Variants in FGFR2 observed in about 807,000 individuals in gnomAD.
FGFR2 encodes BEK fibroblast growth factor receptor.
Under a neutral mutation model 95.9 loss-of-function variants are expected in FGFR2, and 19 were observed. That is an observed-to-expected ratio of 0.20 (90% CI 0.14 to 0.29). FGFR2 has a LOEUF of 0.29. FGFR2 is among the 10% of genes least tolerant of loss of function. The probability of loss-of-function intolerance (pLI) is 1.00; values close to 1 mark genes in which losing one functional copy is unlikely to be tolerated. For synonymous variants in FGFR2, 392 were observed against 393.3 expected (o/e 1.00, Z 0.04); for missense variants, 707 against 1,056.9 (o/e 0.67, Z 4.59).
At chr10:121,506,811 A>G (rs1564894561) in intron 9 of FGFR2, among the ~76,000 whole-genome samples, 1 of 152,176 alleles carries the variant, frequency 6.6e-6, no homozygotes, top group Non-Finnish European at 1.5e-5. Flanking sequence ...TAGAAAATAC[A>G]TTTTATTTCA....
At chr10:121,558,633 A>G (rs1229729293) in intron 4 of FGFR2, among the ~76,000 whole-genome samples, 2 of 143,010 alleles carry the variant, frequency 1.4e-5, no homozygotes, top group Non-Finnish European at 1.5e-5. Flanking sequence ...TTTGAGACGG[A>G]GTCTCACTCT....
chr10:121,564,937 G>A (rs570616405), intron 3 of FGFR2, among the ~76,000 whole-genome samples: 36 of 152,230 alleles, frequency 2.4e-4, no homozygotes, highest in African/African-American at 8.4e-4. Flanking sequence ...AGTATGCGGG[G>A]TCTCCTTGAA....
chr10:121,524,146 A>ACACAC (rs142755962), intron 6 of FGFR2, among the ~76,000 whole-genome samples: 5 of 136,892 alleles, frequency 3.7e-5, no homozygotes, highest in Admixed American at 7.2e-5. Context: ...ACACACACAC[A>ACACAC]CCCCAAGTTT....
chr10:121,504,898 G>T (rs1228775674), intron 9 of FGFR2, among the ~76,000 whole-genome samples: 2 of 152,160 alleles, frequency 1.3e-5, no homozygotes, highest in African/African-American at 4.8e-5. Flanking sequence ...ATCTTAGTCT[G>T]ACCACAGGCT....
Position 121,531,190 on chromosome 10 carries a change from CAG to C in FGFR2, c.748+7400_748+7401del, listed in dbSNP as rs1852027059. ...GAATGTGACAAAAAAGCTGACATCG[CAG>C]AGTTCTACCATGCCCCATCCAGGCT... On this transcript the variant is annotated intron_variant, in intron 6 of 17. Coordinates refer to ENST00000358487, the MANE Select transcript of FGFR2 (RefSeq NM_000141.5). The surrounding 1 kb of genome is among the most constrained non-coding windows in gnomAD (Gnocchi z 4.5). The C allele has an allele frequency of 6.6e-6, 1 of 152,206 alleles. No individual in the cohort carries two copies. Among genetic ancestry groups the C allele is most frequent in the African/African-American group, 2.4e-5 (1 of 41,444 alleles). The allele number at this position is 152,206 out of a possible 1,614,324, so 9.4% of individuals were successfully genotyped here.
chr10:121,585,165 A>C (rs1030824515), intron 2 of FGFR2, among the ~76,000 whole-genome samples: 1 of 152,218 alleles, frequency 6.6e-6, no homozygotes, highest in Non-Finnish European at 1.5e-5. Context: ...AGAGGGGAAA[A>C]AAAATTTCAA....
chr10:121,588,386 C>T (rs534992436), intron 2 of FGFR2, among the ~76,000 whole-genome samples: 1 of 131,544 alleles, frequency 7.6e-6, no homozygotes, highest in East Asian at 2.3e-4. Flanking sequence ...CATGTACCCC[C>T]AAACCTAAAA....
chr10:121,497,348 C>T (rs1278113012), intron 12 of FGFR2, among the ~76,000 whole-genome samples: 1 of 152,034 alleles, frequency 6.6e-6, no homozygotes, highest in African/African-American at 2.4e-5. Flanking sequence ...CCACTCTATC[C>T]TTTTGGTTCA....
chr10:121,483,651 C>T (rs749183225), intron 17 of FGFR2, 47 bp downstream of exon 17: 11 of 1,390,240 alleles, frequency 7.9e-6, no homozygotes, highest in Middle Eastern at 1.9e-4. Context: ...CTACGCATGT[C>T]TCACAAGACA....
intron 3 of FGFR2, 37 bp downstream of exon 3, chr10:121,565,401 A>C (rs972405075): frequency 6.2e-7 from 1 of 1,612,810 alleles, no homozygotes; most frequent in African/African-American, 1.3e-5. Flanking sequence ...TAATGGCTAC[A>C]GAGAAGAGAG....
chr10:121,479,551 G>A lies in FGFR2; in HGVS notation c.*306C>T. ...TCTCCAATTATTACAAAATTAACAAGGAAGGCAGAACGCACGTCCACCTTG... is the reference window on the plus strand; with the variant it reads ...TCTCCAATTATTACAAAATTAACAAAGAAGGCAGAACGCACGTCCACCTTG... On this transcript the variant is annotated 3_prime_UTR_variant, in exon 18 of 18. Transcript: ENST00000358487. 1.3e-6 allele frequency: 2 copies of A among 1,515,922 alleles called. No individual in the cohort carries two copies. The highest frequency in any genetic ancestry group is 1.8e-6 in the Non-Finnish European group (2 of 1,122,006). 93.9% of individuals were successfully genotyped at this position (1,515,922 alleles called of 1,614,324 possible).
chr10:121,512,537 C>T (rs1196279275), intron 9 of FGFR2, among the ~76,000 whole-genome samples: 3 of 151,830 alleles, frequency 2.0e-5, no homozygotes, highest in Admixed American at 6.6e-5. Context: ...CTTTTTTTTC[C>T]CACTTTGGGT....
At position 121,556,433 on chromosome 10, in the gene FGFR2, C is replaced by CTCTCTCTCTCTCTCTCTCTCTCTCTA. The variant is rs60584824; in HGVS notation, c.455-4975_455-4974insTAGAGAGAGAGAGAGAGAGAGAGAGA. Among the ~76,000 whole-genome samples, 85 of 140,694 alleles carry CTCTCTCTCTCTCTCTCTCTCTCTCTA rather than the reference C, an allele frequency of 6.0e-4. 3 individuals are homozygous for CTCTCTCTCTCTCTCTCTCTCTCTCTA. Among genetic ancestry groups the CTCTCTCTCTCTCTCTCTCTCTCTCTA allele is most frequent in the African/African-American group, 2.2e-3 (82 of 37,206 alleles). 92.3% of individuals were successfully genotyped at this position (140,694 alleles called of 152,430 possible). ...TCTCTCTCTCTCTCTCTCTCTCTCT[C>CTCTCTCTCTCTCTCTCTCTCTCTCTA]TGGAACCAAAAAACAGAGAACACGG... On this transcript the variant is annotated intron_variant, in intron 4 of 17. Transcript: ENST00000358487.
intron 17 of FGFR2, 151 bp downstream of exon 17, chr10:121,483,547 A>AACCCATAGTTGAACTATCTG: frequency 3.1e-6 from 2 of 654,572 alleles, no homozygotes; most frequent in Non-Finnish European, 5.5e-6. Flanking sequence ...ATTTGAGAGG[A>AACCCATAGTTGAACTATCTG]ACCCATAGTT....
At chr10:121,559,893 C>T (rs1856703486) in intron 4 of FGFR2, among the ~76,000 whole-genome samples, 1 of 152,208 alleles carries the variant, frequency 6.6e-6, no homozygotes, top group African/African-American at 2.4e-5. Flanking sequence ...GTAATCCATA[C>T]CTTGCTGTTG....
chr10:121,504,357 C>T (rs1848008282), intron 9 of FGFR2, among the ~76,000 whole-genome samples: 1 of 152,194 alleles, frequency 6.6e-6, no homozygotes, highest in African/African-American at 2.4e-5. Context: ...TGGATCAATG[C>T]TGTGCTTATG....
At chr10:121,547,802 G>C (rs1854741837) in intron 5 of FGFR2, among the ~76,000 whole-genome samples, 1 of 152,140 alleles carries the variant, frequency 6.6e-6, no homozygotes, top group African/African-American at 2.4e-5. Context: ...CCCCAACAAG[G>C]ACTCTCTGAG....
In FGFR2 at chr10:121,582,768, G is replaced by A. The variant is rs142356042; in HGVS notation, c.109+10941C>T. Among the ~76,000 whole-genome samples the A allele has an allele frequency of 3.8e-3, 577 of 152,190 alleles. 4 individuals are homozygous for A. The highest frequency in any genetic ancestry group is 0.013 in the African/African-American group (530 of 41,516). ...ACTGCACTCCAGCCTGGGTGACAGA[G>A]CAAGAGACTCTGTCTCACAAAAAAA... On this transcript the variant is annotated intron_variant, in intron 2 of 17. Coordinates refer to ENST00000358487, the MANE Select transcript of FGFR2 (RefSeq NM_000141.5).
At chr10:121,509,488 T>C (rs1204353591) in intron 9 of FGFR2, among the ~76,000 whole-genome samples, 14 of 98,606 alleles carry the variant, frequency 1.4e-4, no homozygotes, top group South Asian at 3.4e-4. Flanking sequence ...TTTTCTTTTT[T>C]TTTTTTTTTT....
Sources: gnomAD v4.1 joint callset for allele counts (sites outside exome capture counted in the v4.1 genomes callset) on GRCh38, gnomAD v4.1.1 for gene constraint, Gnocchi (gnomAD v3.1) non-coding constraint, MANE v1.5 for transcripts, NCBI Gene and HGNC (gene_info 2026-07-23, HGNC 2026-07-21) for gene names.